The following TXLNB variants were observed in gnomAD, a reference collection of about 807,000 sequenced individuals.
TXLNB encodes the protein taxilin beta, also known as beta-taxilin.
Under a neutral mutation model 57.4 loss-of-function variants are expected in TXLNB, and 37 were observed. That is an observed-to-expected ratio of 0.64 (90% CI 0.50 to 0.85). TXLNB has a LOEUF of 0.85. Ranked by LOEUF, TXLNB falls within the 40% of genes least tolerant of loss-of-function variation. The pLI is 0.00. For missense variants in TXLNB, 848 were observed against 825.6 expected (o/e 1.03, Z -0.33); for synonymous variants, 302 against 309.6 (o/e 0.98, Z 0.26).
chr6:139,322,821 T>G, the TXLNB span, among the ~76,000 whole-genome samples: 1 of 152,250 alleles, frequency 6.6e-6, no homozygotes, highest in East Asian at 1.9e-4. Flanking sequence ...CTGTACATTT[T>G]ACTTATTTGC....
chr6:139,183,638 T>C, the TXLNB span: 2 of 152,196 alleles, frequency 1.3e-5, no homozygotes, highest in South Asian at 2.1e-4. Flanking sequence ...TAATAAGATA[T>C]CTAACTTGAT....
the TXLNB span, among the ~76,000 whole-genome samples, chr6:139,172,705 G>A: frequency 6.6e-6 from 1 of 152,196 alleles, no homozygotes; most frequent in East Asian, 1.9e-4. Context: ...GAGTTTGCCT[G>A]TAGGTTACGG....
At chr6:139,214,714 G>A in the TXLNB span, among the ~76,000 whole-genome samples, 1 of 152,172 alleles carries the variant, frequency 6.6e-6, no homozygotes, top group Non-Finnish European at 1.5e-5. Context: ...TGACACGATT[G>A]TATATCTAGA....
At chr6:139,274,003 T>C (rs969791957) in intron 3 of TXLNB, among the ~76,000 whole-genome samples, 2 of 152,270 alleles carry the variant, frequency 1.3e-5, no homozygotes, top group South Asian at 2.1e-4. Flanking sequence ...AATTTCTGTC[T>C]GTAATTTCTC....
rs1251363584 is a variant in TXLNB, at chr6:139,244,681, T to C, written c.1180A>G (p.Lys394Glu). The change falls in exon 9 of 10, where the codon AAA becomes GAA. Residue 394 changes from lysine (K) to glutamate (E), a missense_variant. By Grantham distance (56) the Lys-to-Glu change is moderately conservative (BLOSUM62 1). Coordinates refer to ENST00000358430, the MANE Select transcript of TXLNB (RefSeq NM_153235.4). ...GTGTCCTTTTCCAGCTTCTTCATTT[T>C]CTTAGTTGTCTACAGAAATTAGAGT... is the stretch of plus-strand genomic sequence containing the variant. ...FKQEMDKTTK[K>E]MKKLEKDTAT... 2 of 1,612,310 alleles carry C rather than the reference T, an allele frequency of 1.2e-6. No individual in the cohort carries two copies. Among genetic ancestry groups the C allele is most frequent in the Admixed American group, 1.7e-5 (1 of 60,024 alleles).
At chr6:139,226,562 C>T in the TXLNB span, among the ~76,000 whole-genome samples, 3 of 152,028 alleles carry the variant, frequency 2.0e-5, no homozygotes, top group East Asian at 3.9e-4. Flanking sequence ...TAAAGTACTG[C>T]TTTCCAGAAA....
chr6:139,198,433 G>GGAAT, the TXLNB span, among the ~76,000 whole-genome samples: 3 of 152,110 alleles, frequency 2.0e-5, no homozygotes, highest in Non-Finnish European at 2.9e-5. Flanking sequence ...AAGGAAGGAA[G>GGAAT]CCTGGGCTCC....
At chr6:139,160,052 G>C in the TXLNB span, among the ~76,000 whole-genome samples, 2 of 152,134 alleles carry the variant, frequency 1.3e-5, no homozygotes, top group African/African-American at 4.8e-5. Context: ...AGGATGCAGG[G>C]TAAGAAAGCT....
chr6:139,185,454 C>T, the TXLNB span, among the ~76,000 whole-genome samples: 14 of 152,164 alleles, frequency 9.2e-5, no homozygotes, highest in Non-Finnish European at 1.3e-4. Context: ...GTAATCCCAG[C>T]GCTTTGGGAG....
intron 4 of TXLNB, among the ~76,000 whole-genome samples, chr6:139,265,054 G>T (rs1776580090): frequency 6.6e-6 from 1 of 152,192 alleles, no homozygotes; most frequent in Non-Finnish European, 1.5e-5. Flanking sequence ...AAAAAACCTT[G>T]CAAGCATCAT....
chr6:139,277,661 C>G (rs1160458394), intron 2 of TXLNB, among the ~76,000 whole-genome samples: 3 of 152,110 alleles, frequency 2.0e-5, no homozygotes, highest in Non-Finnish European at 2.9e-5. Flanking sequence ...TCCTTTCCCC[C>G]ACCTAGGCCT....
At chr6:139,280,487 A>T (rs1253580469) in intron 2 of TXLNB, among the ~76,000 whole-genome samples, 1 of 152,060 alleles carries the variant, frequency 6.6e-6, no homozygotes, top group Non-Finnish European at 1.5e-5. Context: ...CTACTAAAAA[A>T]TACAAAAATT....
chr6:139,262,846 A>G, intron 4 of TXLNB, 73 bp from the exon 5 acceptor site: 2 of 1,485,950 alleles, frequency 1.3e-6, no homozygotes, highest in Non-Finnish European at 1.8e-6. Context: ...GGTCACCTAA[A>G]GGAGATAAGT....
chr6:139,182,796 T>G, the TXLNB span, among the ~76,000 whole-genome samples: 3 of 152,248 alleles, frequency 2.0e-5, no homozygotes, highest in Admixed American at 6.5e-5. Context: ...CTACCTGGCA[T>G]TGCTAAGCCT....
Position 139,242,901 on chromosome 6 carries a change from A to G in TXLNB, c.1680T>C (p.Thr560=). 3 of 1,613,892 alleles carry G rather than the reference A, an allele frequency of 1.9e-6. No homozygotes were observed. Among genetic ancestry groups the G allele is most frequent in the Non-Finnish European group, 2.5e-6 (3 of 1,179,942 alleles). Residue 560 remains threonine (T), a synonymous_variant, in exon 10 of 10, where the codon ACT becomes ACC. Coordinates refer to ENST00000358430, the MANE Select transcript of TXLNB (RefSeq NM_153235.4). ...RDSESPLPPL[T]PQAEAEGGSD... ...TGCCTCCTTCGGCTTCAGCCTGAGG[A>G]GTTAGGGGAGGCAGGGGACTCTCTG...
chr6:139,181,843 G>A, the TXLNB span, among the ~76,000 whole-genome samples: 1 of 152,166 alleles, frequency 6.6e-6, no homozygotes, highest in African/African-American at 2.4e-5. Context: ...ACTGCTGTGT[G>A]CAGACTTCTA....
chr6:139,305,987 G>T, the TXLNB span, among the ~76,000 whole-genome samples: 23 of 152,156 alleles, frequency 1.5e-4, 1 homozygote. Context: ...GAAACTAGAA[G>T]ATCTACCTAG....
the TXLNB span, among the ~76,000 whole-genome samples, chr6:139,228,218 T>A: frequency 6.6e-6 from 1 of 151,976 alleles, no homozygotes; most frequent in Non-Finnish European, 1.5e-5. Context: ...CCATACCCTC[T>A]TAAAAAGGGA....
At chr6:139,255,324 C>G in intron 7 of TXLNB, 1 of 542,858 alleles carries the variant, frequency 1.8e-6, no homozygotes, top group South Asian at 1.6e-5. Context: ...CATCCATTGT[C>G]TGTCAACAAA....
Sources: allele counts gnomAD v4.1 joint callset (sites outside exome capture counted in the v4.1 genomes callset), GRCh38; gene constraint gnomAD v4.1.1; transcripts MANE v1.5; gene names NCBI Gene and HGNC (gene_info 2026-07-23, HGNC 2026-07-21).